The following CHTF18 variants were observed in gnomAD, a reference collection of about 807,000 sequenced individuals.
CHTF18 encodes the protein chromosome transmission fidelity protein 18 homolog.
In CHTF18, 151 loss-of-function variants were observed where a neutral mutation model predicts 113.4. That is an observed-to-expected ratio of 1.33 (90% CI 1.17 to 1.52). The LOEUF (loss-of-function observed/expected upper bound fraction) is 1.52, where lower values mean the gene tolerates loss of function less well. Ranked by LOEUF, CHTF18 falls within the 40% of genes most tolerant of loss-of-function variation. The pLI is 0.00. For synonymous variants in CHTF18, 916 were observed against 598.8 expected (o/e 1.53, Z -7.74); for missense variants, 1,982 against 1,381.6 (o/e 1.43, Z -6.89).
chr16:790,707 G>A lies in CHTF18; in HGVS notation c.894+41G>A, dbSNP rs762316481. The A allele has an allele frequency of 5.4e-6, 8 of 1,492,102 alleles. No homozygotes were observed. In the African/African-American group the frequency reaches 7.0e-5, roughly 13 times the overall value. 92.4% of individuals were successfully genotyped at this position (1,492,102 alleles called of 1,614,324 possible). On this transcript the variant is annotated intron_variant, in intron 7 of 21. Coordinates refer to ENST00000262315, the MANE Select transcript of CHTF18 (RefSeq NM_022092.3). ...CACTCAAGTGTGGCTGGCTTCCTCT[G>A]TTCCCAAGATGGAAGAACCTGGGCC... is the stretch of plus-strand genomic sequence containing the variant.
rs943260583 is a variant in CHTF18, at chr16:792,333, G to A, written c.1312G>A (p.Asp438Asn). The A allele has an allele frequency of 5.8e-6, 9 of 1,553,530 alleles. No homozygotes were observed. Among genetic ancestry groups the A allele is most frequent in the Non-Finnish European group, 7.8e-6 (9 of 1,149,046 alleles). Residue 438 changes from aspartate (D) to asparagine (N), a missense_variant, in exon 10 of 22, where the codon GAC becomes AAC. By Grantham distance (23) the Asp-to-Asn change is conservative. Coordinates refer to ENST00000262315, the MANE Select transcript of CHTF18 (RefSeq NM_022092.3). ...KPNCLVIDEI[D>N]GAPVAAINVL... ...CAACTGCCTGGTCATCGATGAGATC[G>A]ACGGGGCCCCCGTGGTGGGCTCCTT... is the stretch of plus-strand genomic sequence containing the variant.
Position 790,227 on chromosome 16 carries a change from G to T in CHTF18, c.657G>T (p.Leu219=), listed in dbSNP as rs943313270. 1 of 1,606,604 alleles carries T rather than the reference G, an allele frequency of 6.2e-7. No homozygotes were observed. The highest frequency in any genetic ancestry group is 8.5e-7 in the Non-Finnish European group (1 of 1,177,406). Residue 219 remains leucine, a synonymous_variant, in exon 5 of 22, where the codon CTG becomes CTT. Transcript: ENST00000262315. ...PWRGGGQLDL[L]GVSLASLKKQ... ...GAGGCGGTGGCCAGCTGGACCTGCT[G>T]GGTGTGTCCTTAGCCTCCCTGAAGA...
rs79684874 is a variant in CHTF18, at chr16:797,537, G to C, written c.2734-157G>C. ...CACCTGGTGGGGAGCAGATGGCAGT[G>C]AGGGGTGAGGGGCAGCTGGCCTGGG... On this transcript the variant is annotated intron_variant, in intron 20 of 21. Coordinates refer to ENST00000262315, the MANE Select transcript of CHTF18 (RefSeq NM_022092.3). 1.7e-3 allele frequency among the ~76,000 whole-genome samples: 253 copies of C among 152,272 alleles called. 4 individuals are homozygous for C. The East Asian group carries it at 0.031, about 19-fold the overall frequency.
At chr16:795,873 T>C in intron 17 of CHTF18, 39 bp downstream of exon 17, 1 of 1,606,788 alleles carries the variant, frequency 6.2e-7, no homozygotes, top group Non-Finnish European at 8.5e-7. Flanking sequence ...CCCCGCCTGC[T>C]GCCCTCCTGT....
At position 792,544 on chromosome 16, in the gene CHTF18, G is replaced by A. The variant is rs778175546; in HGVS notation, c.1432G>A (p.Glu478Lys). ...GGGAGGCGGCCGACGGCGCCGGGCA[G>A]AGGGGGGGCTCCTCATGAGGCCCAT... is the stretch of plus-strand genomic sequence containing the variant. ...PSGGGRRRRA[E>K]GGLLMRPIIC... Residue 478 changes from glutamate to lysine, a missense_variant, in exon 11 of 22, where the codon GAG becomes AAG. Coordinates refer to ENST00000262315, the MANE Select transcript of CHTF18 (RefSeq NM_022092.3). 88 of 1,596,840 alleles carry A rather than the reference G, an allele frequency of 5.5e-5. No homozygotes were observed. In the East Asian group the frequency reaches 1.9e-3, roughly 35 times the overall value.
Position 789,838 on chromosome 16 carries a change from AG to A in CHTF18, c.606+128del, listed in dbSNP as rs768683334. ...CCTGTGCAGAGCCCCAGGGGTGCAGAGGGGGAGGCTGCGTCATGGGGCGTAG... is the reference window on the plus strand; with the variant it reads ...CCTGTGCAGAGCCCCAGGGGTGCAGAGGGGAGGCTGCGTCATGGGGCGTAG... On this transcript the variant is annotated intron_variant, in intron 4 of 21. Coordinates refer to ENST00000262315, the MANE Select transcript of CHTF18 (RefSeq NM_022092.3). 28 of 1,340,036 alleles carry A rather than the reference AG, an allele frequency of 2.1e-5. No individual in the cohort carries two copies. In the East Asian group the frequency reaches 4.5e-4, roughly 22 times the overall value. 83.0% of individuals were successfully genotyped at this position (1,340,036 alleles called of 1,614,324 possible).
At position 790,209 on chromosome 16, in the gene CHTF18, T is replaced by G. The variant is rs753550373; in HGVS notation, c.639T>G (p.Gly213=). 2.5e-6 allele frequency: 4 copies of G among 1,604,662 alleles called. No homozygotes were observed. Among genetic ancestry groups the G allele is most frequent in the South Asian group, 1.1e-5 (1 of 89,456 alleles). ...TCCTCCACGTCCCATGGCGAGGCGG[T>G]GGCCAGCTGGACCTGCTGGGTGTGT... ...GSLLHVPWRG[G]GQLDLLGVSL... is the part of the protein sequence containing the mutation. Residue 213 remains glycine (G), a synonymous_variant, in exon 5 of 22, where the codon GGT becomes GGG. Coordinates refer to ENST00000262315, the MANE Select transcript of CHTF18 (RefSeq NM_022092.3).
Position 789,014 on chromosome 16 carries a change from G to C in CHTF18, c.175G>C (p.Gly59Arg), listed in dbSNP as rs779445405. ...PRTFEEALAR[G>R]DAASSPAPAA... ...GACGTTCGAGGAGGCCCTTGCCAGA[G>C]GGGACGCGGCCTCCAGTCCCGCCCC... is the stretch of plus-strand genomic sequence containing the variant. The change falls in exon 2 of 22, where the codon GGG (glycine) becomes CGG (arginine). Residue 59 changes from glycine to arginine, a missense_variant. Coordinates refer to ENST00000262315, the MANE Select transcript of CHTF18 (RefSeq NM_022092.3). 6.5e-7 allele frequency: 1 copy of C among 1,544,972 alleles called. No homozygotes were observed. Among genetic ancestry groups the C allele is most frequent in the African/African-American group, 1.4e-5 (1 of 72,638 alleles).
intron 8 of CHTF18, 34 bp downstream of exon 8, chr16:791,404 C>G: frequency 6.4e-7 from 1 of 1,562,982 alleles, no homozygotes; most frequent in Non-Finnish European, 8.6e-7. Flanking sequence ...CGGGAACAAG[C>G]CTGAGGCTTT....
At position 793,048 on chromosome 16, in the gene CHTF18, G is replaced by A; in HGVS notation, c.1655G>A (p.Cys552Tyr). ...AAAACTGACAATGACATCCGGGCCT[G>A]CATCAACACCCTGCAGGTGGGCGGC... ...CEKTDNDIRA[C>Y]INTLQFLYSR... Residue 552 changes from cysteine (C) to tyrosine (Y), a missense_variant, in exon 13 of 22, where the codon TGC (cysteine) becomes TAC (tyrosine). Cys to Tyr is a radical substitution (Grantham distance 194). Transcript: ENST00000262315. 1 of 1,497,008 alleles carries A rather than the reference G, an allele frequency of 6.7e-7. No homozygotes were observed. 92.7% of individuals were successfully genotyped at this position (1,497,008 alleles called of 1,614,324 possible).
rs776438056 is a variant in CHTF18 at position 797,052 on chromosome 16, G to T, written c.2693G>T (p.Arg898Leu). ...HRPAPRNHEQ[R>L]LEHIMRRAAR... ...CCTGCCCCACGCAACCATGAGCAGC[G>T]GCTGGAGCACATCATGAGGCGAGCG... Residue 898 changes from arginine to leucine, a missense_variant, in exon 20 of 22, where the codon CGG becomes CTG. Transcript: ENST00000262315. 3 of 1,557,520 alleles carry T rather than the reference G, an allele frequency of 1.9e-6. No individual in the cohort carries two copies. Among genetic ancestry groups the T allele is most frequent in the South Asian group, 1.2e-5 (1 of 82,652 alleles).
Position 792,300 on chromosome 16 carries a change from G to A in CHTF18, c.1279G>A (p.Gly427Arg), listed in dbSNP as rs2042219135. The change falls in exon 10 of 22, where the codon GGG becomes AGG. Residue 427 changes from glycine (G) to arginine (R), a missense_variant. Coordinates refer to ENST00000262315, the MANE Select transcript of CHTF18 (RefSeq NM_022092.3). ...GATGGAGTCGGTGCTGGGTGCTGGC[G>A]GGAAGCCCAACTGCCTGGTCATCGA... The part of the protein sequence containing the change: ...TQMESVLGAG[G>R]KPNCLVIDEI... 3 of 1,554,390 alleles carry A rather than the reference G, an allele frequency of 1.9e-6. No individual in the cohort carries two copies. The highest frequency in any genetic ancestry group is 2.6e-6 in the Non-Finnish European group (3 of 1,149,600).
At chr16:795,872 C>T (rs916086678) in intron 17 of CHTF18, 38 bp downstream of exon 17, 4 of 1,606,434 alleles carry the variant, frequency 2.5e-6, no homozygotes, top group Non-Finnish European at 3.4e-6. Context: ...TCCCCGCCTG[C>T]TGCCCTCCTG....
At chr16:791,638 G>A in intron 8 of CHTF18, 1 of 1,430,332 alleles carries the variant, frequency 7.0e-7, no homozygotes, top group Non-Finnish European at 9.1e-7. Flanking sequence ...GGTATCAGCT[G>A]TGTTTTGTCT....
At chr16:794,608 C>G (rs978911259) in intron 15 of CHTF18, 7 of 248,500 alleles carry the variant, frequency 2.8e-5, no homozygotes, top group East Asian at 1.9e-4. Context: ...GAGTCCCCGC[C>G]TAAGCTGTCT....
rs563994819 is a variant in CHTF18, at chr16:790,692, T to G, written c.894+26T>G. On this transcript the variant is annotated intron_variant, in intron 7 of 21. Transcript: ENST00000262315. ...GTGAGGTCTTGTTCTCACTCAAGTG[T>G]GGCTGGCTTCCTCTGTTCCCAAGAT... 14 of 1,509,074 alleles carry G rather than the reference T, an allele frequency of 9.3e-6. No individual in the cohort carries two copies. The Admixed American group carries it at 1.8e-4, about 19-fold the overall frequency. The allele number at this position is 1,509,074 out of a possible 1,614,324, so 93.5% of individuals were successfully genotyped here. A position where few individuals can be genotyped will look rare whatever the true frequency, so the allele number is the denominator to read the frequency against.
At chr16:791,128 C>T (rs996755739) in intron 7 of CHTF18, 33 bp from the exon 8 acceptor site, 1 of 1,586,590 alleles carries the variant, frequency 6.3e-7, no homozygotes, top group Non-Finnish European at 8.6e-7. Flanking sequence ...GCGGTGCCCT[C>T]AGGCTGTGCT....
chr16:792,530 G>A lies in CHTF18; in HGVS notation c.1418G>A (p.Arg473Gln), dbSNP rs201570420. 7.0e-5 allele frequency: 112 copies of A among 1,596,266 alleles called. No homozygotes were observed. Among genetic ancestry groups the A allele is most frequent in the Admixed American group, 5.3e-4 (29 of 54,438 alleles). The change falls in exon 11 of 22, where the codon CGA becomes CAA. Residue 473 changes from arginine (R) to glutamine (Q), a missense_variant. Transcript: ENST00000262315. ...CCGGCTGTGCCTTCGGGAGGCGGCC[G>A]ACGGCGCCGGGCAGAGGGGGGGCTC... ...QGPAVPSGGG[R>Q]RRRAEGGLLM...
intron 14 of CHTF18, chr16:793,676 T>C (rs1000473170): frequency 1.8e-6 from 1 of 563,738 alleles, no homozygotes; most frequent in African/African-American, 1.9e-5. Context: ...AGCATGTCTC[T>C]GTCCTGACGT....
Sources: gnomAD v4.1 joint callset for allele counts (sites outside exome capture counted in the v4.1 genomes callset) on GRCh38, gnomAD v4.1.1 for gene constraint, MANE v1.5 for transcripts, NCBI Gene and HGNC (gene_info 2026-07-23, HGNC 2026-07-21) for gene names.